Variants in USP3 observed in about 807,000 individuals in gnomAD.
USP3 encodes the protein ubiquitin carboxyl-terminal hydrolase 3.
USP3 carries 20 observed loss-of-function variants against 72.3 expected under a neutral mutation model. The ratio of observed to expected loss-of-function variants is 0.28; its 90% CI spans 0.19 to 0.40. USP3 has a LOEUF of 0.40. Among genes scored for constraint, USP3 ranks in the 10% least tolerant of loss-of-function variants. The probability of loss-of-function intolerance (pLI) is 1.00; values close to 1 mark genes in which losing one functional copy is unlikely to be tolerated. For synonymous variants in USP3, 222 were observed against 225.3 expected, an observed-to-expected ratio of 0.99 and a Z score of 0.13; for missense variants, 479 against 633.9, an observed-to-expected ratio of 0.76 and a Z score of 2.62.
chr15:63,584,350 G>A (rs1039890156), intron 11 of USP3, among the ~76,000 whole-genome samples: 1 of 151,942 alleles, frequency 6.6e-6, no homozygotes, highest in African/African-American at 2.4e-5. Flanking sequence ...TACCCGCCTC[G>A]GCCTCCCAAA....
At position 63,520,554 on chromosome 15, in the gene USP3, A is replaced by ATTTTTTTTTTTTTTTTTTTT. The variant is rs35244583; in HGVS notation, c.92-12085_92-12066dup. Among the ~76,000 whole-genome samples, 60 of 105,424 alleles carry ATTTTTTTTTTTTTTTTTTTT rather than the reference A, an allele frequency of 5.7e-4. 27 individuals are homozygous for ATTTTTTTTTTTTTTTTTTTT. The highest frequency in any genetic ancestry group is 3.3e-4 in the Non-Finnish European group (18 of 53,948). 69.2% of individuals were successfully genotyped at this position (105,424 alleles called of 152,430 possible). On this transcript the variant is annotated intron_variant, in intron 1 of 14. Transcript: ENST00000380324. ...TTTGTTTGTTTGATTTCTGTTTTAGATTTTTTTTTTTTTTTTTTTTTTTTT... is the reference window on the plus strand; with the variant it reads ...TTTGTTTGTTTGATTTCTGTTTTAGATTTTTTTTTTTTTTTTTTTTTTTTTTTTTTTTTTTTTTTTTTTTT...
intron 1 of USP3, among the ~76,000 whole-genome samples, chr15:63,517,138 C>T (rs2065860762): frequency 6.6e-6 from 1 of 151,670 alleles, no homozygotes. Flanking sequence ...TGTGCTGCAC[C>T]CATTAACTCG....
At position 63,588,265 on chromosome 15, in the gene USP3, AGGCATCTTGT is replaced by A; in HGVS notation, c.1097-39_1097-30del. On this transcript the variant is annotated intron_variant, in intron 11 of 14. Transcript: ENST00000380324. The surrounding 1 kb of genome is among the most constrained non-coding windows in gnomAD (Gnocchi z 4.6). ...TTCTACAGTACATTGCCTCTACAAA[AGGCATCTTGT>A]TTTAATGCTGCCAAAATCAATTTGT... is the stretch of plus-strand genomic sequence containing the variant. 6.8e-7 allele frequency: 1 copy of A among 1,471,622 alleles called. No individual in the cohort carries two copies. The highest frequency in any genetic ancestry group is 2.1e-5 in the Admixed American group (1 of 46,876). 91.2% of individuals were successfully genotyped at this position (1,471,622 alleles called of 1,614,324 possible).
At chr15:63,583,875 C>G (rs183369713) in intron 11 of USP3, among the ~76,000 whole-genome samples, 1 of 152,080 alleles carries the variant, frequency 6.6e-6, no homozygotes, top group Non-Finnish European at 1.5e-5. Flanking sequence ...CATCTGTTGA[C>G]GACACTTGGG....
At chr15:63,581,839 G>A (rs1359104072) in intron 11 of USP3, among the ~76,000 whole-genome samples, 3 of 151,940 alleles carry the variant, frequency 2.0e-5, no homozygotes, top group Non-Finnish European at 4.4e-5. Context: ...GGCACATGCT[G>A]CAATGCTTGT....
In USP3 at chr15:63,593,979, A is replaced by G. The variant is rs1286256813; in HGVS notation, c.*3153A>G. 6.6e-6 allele frequency: 1 copy of G among 152,248 alleles called. No individual in the cohort carries two copies. The highest frequency in any genetic ancestry group is 1.5e-5 in the Non-Finnish European group (1 of 68,042). The allele number at this position is 152,248 out of a possible 1,614,324, so 9.4% of individuals were successfully genotyped here. ...CTCCATGGTGGAGAAACCTTTGCTTATCCACTGTATTCTACTCAGTGTATA... is the reference window on the plus strand; with the variant it reads ...CTCCATGGTGGAGAAACCTTTGCTTGTCCACTGTATTCTACTCAGTGTATA... On this transcript the variant is annotated 3_prime_UTR_variant, in exon 15 of 15. Transcript: ENST00000380324.
In USP3 at chr15:63,556,670, A is replaced by G; in HGVS notation, c.372A>G (p.Ser124=). ...CTATCTGTTTGTGTTTTAATAGCTCAGCTTTCACAGCTGACAGGCATAAGA... is the reference window on the plus strand; with the variant it reads ...CTATCTGTTTGTGTTTTAATAGCTCGGCTTTCACAGCTGACAGGCATAAGA... ...VREHLQNLEN[S]AFTADRHKKR... is the part of the protein sequence containing the mutation. Residue 124 remains serine, a synonymous_variant, in exon 5 of 15, where the codon TCA becomes TCG. Transcript: ENST00000380324. The G allele has an allele frequency of 6.2e-7, 1 of 1,603,800 alleles. No homozygotes were observed. The highest frequency in any genetic ancestry group is 1.1e-5 in the South Asian group (1 of 89,680).
chr15:63,557,561 C>T (rs1370509105), intron 5 of USP3, among the ~76,000 whole-genome samples: 1 of 152,160 alleles, frequency 6.6e-6, no homozygotes, highest in Non-Finnish European at 1.5e-5. Context: ...CCACACCCAG[C>T]CTTTTTGTAT....
At chr15:63,560,723 A>G (rs946409319) in intron 7 of USP3, among the ~76,000 whole-genome samples, 3 of 152,170 alleles carry the variant, frequency 2.0e-5, no homozygotes. Flanking sequence ...GTGCTCATTA[A>G]GAACCAATCC....
At chr15:63,531,089 A>T (rs1232442136) in intron 1 of USP3, among the ~76,000 whole-genome samples, 7 of 152,184 alleles carry the variant, frequency 4.6e-5, no homozygotes, top group Non-Finnish European at 8.8e-5. Flanking sequence ...GGATTTCACC[A>T]CTCAAAGCTT....
chr15:63,521,461 C>T (rs1448429425), intron 1 of USP3, among the ~76,000 whole-genome samples: 1 of 152,200 alleles, frequency 6.6e-6, no homozygotes, highest in African/African-American at 2.4e-5. Flanking sequence ...TGTCTGCCTA[C>T]TCCACACTTC....
chr15:63,572,313 G>C (rs1160666772), intron 9 of USP3, among the ~76,000 whole-genome samples: 2 of 151,934 alleles, frequency 1.3e-5, no homozygotes, highest in Admixed American at 6.6e-5. Flanking sequence ...TTTAATTAAA[G>C]GCAAACTTGT....
chr15:63,561,752 G>A (rs2066611498), intron 7 of USP3, among the ~76,000 whole-genome samples: 1 of 152,202 alleles, frequency 6.6e-6, no homozygotes, highest in Non-Finnish European at 1.5e-5. Context: ...CTCCAACATA[G>A]GAAGAGGGTT....
intron 11 of USP3, among the ~76,000 whole-genome samples, chr15:63,582,210 C>T (rs1326483196): frequency 6.6e-6 from 1 of 152,126 alleles, no homozygotes; most frequent in East Asian, 1.9e-4. Context: ...CTAAGGATTA[C>T]AAATAGGCAT....
At chr15:63,526,624 G>T (rs1227933449) in intron 1 of USP3, among the ~76,000 whole-genome samples, 1 of 152,184 alleles carries the variant, frequency 6.6e-6, no homozygotes, top group African/African-American at 2.4e-5. Flanking sequence ...ATGTTTGTCT[G>T]TAATGATCTT....
At chr15:63,517,059 A>G (rs954352006) in intron 1 of USP3, among the ~76,000 whole-genome samples, 1 of 149,916 alleles carries the variant, frequency 6.7e-6, no homozygotes, top group African/African-American at 2.5e-5. Context: ...ATTATATTAT[A>G]CTTTAAGTTT....
chr15:63,564,343 C>G (rs1314715336), intron 8 of USP3, among the ~76,000 whole-genome samples: 1 of 152,060 alleles, frequency 6.6e-6, no homozygotes, highest in African/African-American at 2.4e-5. Flanking sequence ...GTTTATACAT[C>G]TCGTGGGGTA....
intron 3 of USP3, among the ~76,000 whole-genome samples, chr15:63,543,541 A>C (rs1330855725): frequency 1.3e-5 from 2 of 152,230 alleles, no homozygotes; most frequent in African/African-American, 4.8e-5. Flanking sequence ...ACAGACTCCT[A>C]AATCAGTTTC....
At chr15:63,556,115 G>C (rs1270241576) in intron 4 of USP3, among the ~76,000 whole-genome samples, 8 of 152,174 alleles carry the variant, frequency 5.3e-5, no homozygotes, top group Admixed American at 5.2e-4. Flanking sequence ...TAATAAGGAT[G>C]TGTTTTAGAA....
Sources: gnomAD v4.1 joint callset for allele counts (sites outside exome capture counted in the v4.1 genomes callset) on GRCh38, gnomAD v4.1.1 for gene constraint, Gnocchi (gnomAD v3.1) non-coding constraint, MANE v1.5 for transcripts, NCBI Gene and HGNC (gene_info 2026-07-23, HGNC 2026-07-21) for gene names.